The following IQCM variants were observed in gnomAD, a reference collection of about 807,000 sequenced individuals.
IQCM encodes IQ motif containing M, also known as IQ domain-containing protein M.
IQCM carries 45 observed loss-of-function variants against 57.6 expected under a neutral mutation model. The observed-to-expected ratio is 0.78, with a 90% CI of 0.62 to 1.00. IQCM has a LOEUF of 1.00. Among genes scored for constraint, IQCM ranks in the 50% least tolerant of loss-of-function variants. The probability of loss-of-function intolerance (pLI) is 0.00; values close to 1 mark genes in which losing one functional copy is unlikely to be tolerated. For synonymous variants in IQCM, 148 were observed against 158.9 expected (o/e 0.93, Z 0.51); for missense variants, 468 against 511.6 (o/e 0.91, Z 0.82).
chr4:149,741,441 G>A (rs989789494), intron 3 of IQCM, among the ~76,000 whole-genome samples: 10 of 152,120 alleles, frequency 6.6e-5, no homozygotes, highest in East Asian at 3.8e-4. Context: ...AGGTCATGTG[G>A]GCATGACCTA....
At chr4:149,657,198 T>C (rs1759713096) in intron 7 of IQCM, among the ~76,000 whole-genome samples, 2 of 152,150 alleles carry the variant, frequency 1.3e-5, no homozygotes, top group African/African-American at 4.8e-5. Context: ...TAGTAACCAC[T>C]GTTCTACTAT....
chr4:149,443,262 T>A (rs1486669428), intron 12 of IQCM, among the ~76,000 whole-genome samples: 1 of 152,070 alleles, frequency 6.6e-6, no homozygotes, highest in East Asian at 1.9e-4. Flanking sequence ...CTAGAAAATA[T>A]CTTTTGCAGC....
chr4:149,637,020 G>A (rs1386934669), intron 7 of IQCM, among the ~76,000 whole-genome samples: 3 of 151,446 alleles, frequency 2.0e-5, no homozygotes, highest in Non-Finnish European at 3.0e-5. Context: ...GCAGGCGCCT[G>A]TAGTCCCAGC....
chr4:149,433,825 C>T (rs1179778063), intron 12 of IQCM, among the ~76,000 whole-genome samples: 1 of 151,820 alleles, frequency 6.6e-6, no homozygotes, highest in Non-Finnish European at 1.5e-5. Context: ...AAATAAGATA[C>T]CCAACGAACA....
chr4:149,405,081 T>A (rs1273098335), intron 13 of IQCM, among the ~76,000 whole-genome samples: 1 of 151,282 alleles, frequency 6.6e-6, no homozygotes, highest in East Asian at 2.0e-4. Flanking sequence ...CATTTAGGAG[T>A]CTCCTGTCTG....
chr4:149,651,078 G>A (rs1355436869), intron 7 of IQCM, among the ~76,000 whole-genome samples: 1 of 152,092 alleles, frequency 6.6e-6, no homozygotes, highest in Non-Finnish European at 1.5e-5. Context: ...TATTGCATGA[G>A]AACAAACTTC....
At chr4:149,416,187 T>C (rs774263917) in intron 13 of IQCM, among the ~76,000 whole-genome samples, 15 of 152,040 alleles carry the variant, frequency 9.9e-5, no homozygotes, top group Non-Finnish European at 1.6e-4. Flanking sequence ...GATACAGGAA[T>C]CTTGGGATCA....
chr4:149,369,058 T>A (rs1444120904), intron 13 of IQCM, among the ~76,000 whole-genome samples: 2 of 134,204 alleles, frequency 1.5e-5, no homozygotes, highest in African/African-American at 5.4e-5. Flanking sequence ...ATGTATTTTT[T>A]TTTTGAGATG....
chr4:149,499,909 A>G lies in IQCM; in HGVS notation c.1228+48546T>C, dbSNP rs1195795174. Among the ~76,000 whole-genome samples the G allele has an allele frequency of 2.6e-5, 4 of 152,186 alleles. No individual in the cohort carries two copies. In the South Asian group the frequency reaches 6.2e-4, roughly 24 times the overall value. On this transcript the variant is annotated intron_variant, in intron 12 of 13. Coordinates refer to ENST00000636793, the MANE Select transcript of IQCM (RefSeq NM_001363507.2). ...AAAGAATACCTCAGAAACTGCCTCAAGACTACGCAAGTTCTTGTGTCTGAC... is the reference window on the plus strand; with the variant it reads ...AAAGAATACCTCAGAAACTGCCTCAGGACTACGCAAGTTCTTGTGTCTGAC...
chr4:149,370,576 TACAC>T (rs59009117), intron 13 of IQCM, among the ~76,000 whole-genome samples: 6 of 148,594 alleles, frequency 4.0e-5, no homozygotes, highest in Non-Finnish European at 6.0e-5. Context: ...ACACACACTA[TACAC>T]ACACACACAC....
rs571228632 is a variant in IQCM, at chr4:149,372,741, T to A, written c.1391-20675A>T. On this transcript the variant is annotated intron_variant, in intron 13 of 13. Transcript: ENST00000636793. ...AACTAAGTTTAAGAAAATCAATTTG[T>A]AATCATACTCTCAATTGCACCTCTT... Among the ~76,000 whole-genome samples the A allele has an allele frequency of 3.9e-5, 6 of 152,280 alleles. No individual in the cohort carries two copies. In the East Asian group the frequency reaches 1.2e-3, roughly 29 times the overall value.
At chr4:149,432,013 A>G (rs1415590898) in intron 13 of IQCM, among the ~76,000 whole-genome samples, 2 of 151,166 alleles carry the variant, frequency 1.3e-5, no homozygotes, top group East Asian at 3.9e-4. Flanking sequence ...GCCTATTTAT[A>G]TATATTGTGT....
chr4:149,627,192 G>A lies in IQCM; in HGVS notation c.566-5948C>T, dbSNP rs115514398. Among the ~76,000 whole-genome samples the A allele has an allele frequency of 9.7e-3, 1,473 of 152,210 alleles. 30 individuals carry two copies. The highest frequency in any genetic ancestry group is 0.034 in the African/African-American group (1,399 of 41,516). On this transcript the variant is annotated intron_variant, in intron 7 of 13. Coordinates refer to ENST00000636793, the MANE Select transcript of IQCM (RefSeq NM_001363507.2). ...AATGGAGATTGTAATTTTTCATGAGGTAAATAGCTGAAAATAATAAGAATG... is the reference window on the plus strand; with the variant it reads ...AATGGAGATTGTAATTTTTCATGAGATAAATAGCTGAAAATAATAAGAATG...
chr4:149,695,269 G>T (rs1012538933), intron 5 of IQCM, among the ~76,000 whole-genome samples: 1 of 152,168 alleles, frequency 6.6e-6, no homozygotes, highest in Non-Finnish European at 1.5e-5. Flanking sequence ...CAGGCAGTCT[G>T]CTAGGCACTA....
intron 12 of IQCM, among the ~76,000 whole-genome samples, chr4:149,502,415 C>T (rs1579283557): frequency 1.3e-5 from 2 of 152,094 alleles, no homozygotes; most frequent in South Asian, 4.1e-4. Flanking sequence ...ATGATTTAAA[C>T]CCAACACTTT....
chr4:149,811,768 T>C (rs1774589282), intron 2 of IQCM, among the ~76,000 whole-genome samples: 1 of 152,194 alleles, frequency 6.6e-6, no homozygotes, highest in Non-Finnish European at 1.5e-5. Flanking sequence ...TCCATCAAAA[T>C]GTCCATAACT....
chr4:149,645,993 A>T (rs1758600740), intron 7 of IQCM, among the ~76,000 whole-genome samples: 2 of 152,146 alleles, frequency 1.3e-5, no homozygotes, highest in South Asian at 4.1e-4. Flanking sequence ...CTTCCTGCTT[A>T]TACAGTGCCT....
At chr4:149,360,661 T>G (rs1425197166) in intron 13 of IQCM, among the ~76,000 whole-genome samples, 1 of 152,184 alleles carries the variant, frequency 6.6e-6, no homozygotes, top group Non-Finnish European at 1.5e-5. Flanking sequence ...GGGGTTTCTG[T>G]TTTGCTTCTT....
chr4:149,813,183 C>T (rs574093723), intron 2 of IQCM, among the ~76,000 whole-genome samples: 1 of 152,130 alleles, frequency 6.6e-6, no homozygotes, highest in East Asian at 1.9e-4. Context: ...AAAAATAAAT[C>T]CTTCTCAGCT....
Sources: allele counts gnomAD v4.1 joint callset (sites outside exome capture counted in the v4.1 genomes callset), GRCh38; gene constraint gnomAD v4.1.1; transcripts MANE v1.5; gene names NCBI Gene and HGNC (gene_info 2026-07-23, HGNC 2026-07-21).